SREBF2: variants seen among roughly 807,000 people sequenced by gnomAD.
SREBF2 encodes the protein sterol regulatory element-binding protein 2.
A neutral mutation model predicts 113.1 loss-of-function variants in SREBF2; 55 were observed. The observed-to-expected ratio is 0.49, with a 90% CI of 0.39 to 0.61. SREBF2 has a LOEUF of 0.61. SREBF2 is among the 20% of genes least tolerant of loss of function. SREBF2 has a pLI of 0.00. For synonymous variants in SREBF2, 593 were observed against 605.7 expected (o/e 0.98, Z 0.31); for missense variants, 1,349 against 1,487.4 (o/e 0.91, Z 1.53).
At chr22:41,873,206 T>A (rs982178536) in intron 4 of SREBF2, among the ~76,000 whole-genome samples, 28 of 151,200 alleles carry the variant, frequency 1.9e-4, no homozygotes, top group South Asian at 6.3e-4. Context: ...TCAAAAAAAA[T>A]AAAATAAAAT....
At chr22:41,873,192 C>T (rs971227694) in intron 4 of SREBF2, among the ~76,000 whole-genome samples, 6 of 151,182 alleles carry the variant, frequency 4.0e-5, no homozygotes, top group South Asian at 2.1e-4. Context: ...AGCGAAACTC[C>T]GTCTCAAAAA....
At chr22:41,855,054 G>A (rs2076965519) in intron 1 of SREBF2, among the ~76,000 whole-genome samples, 3 of 149,344 alleles carry the variant, frequency 2.0e-5, no homozygotes, top group African/African-American at 4.9e-5. Flanking sequence ...GTGTAATATA[G>A]CAAAGTTTTT....
At chr22:41,897,579 C>G (rs937396230) in intron 14 of SREBF2, among the ~76,000 whole-genome samples, 6 of 152,178 alleles carry the variant, frequency 3.9e-5, no homozygotes. Context: ...ACTCCTCAGC[C>G]CCTCATCACA....
intron 15 of SREBF2, chr22:41,899,495 G>A (rs2077446161): frequency 1.0e-6 from 1 of 993,452 alleles, no homozygotes; most frequent in Non-Finnish European, 1.2e-6. Flanking sequence ...TAGAGCCAAG[G>A]CTGTAGCATT....
At chr22:41,861,709 G>A (rs1476664355) in intron 1 of SREBF2, among the ~76,000 whole-genome samples, 1 of 152,128 alleles carries the variant, frequency 6.6e-6, no homozygotes, top group Non-Finnish European at 1.5e-5. Context: ...GATCATCTGA[G>A]GTCAGGAGTT....
rs1290844569 is a variant in SREBF2 at position 41,905,558 on chromosome 22, A to G, written c.3324A>G (p.Glu1108=). The G allele has an allele frequency of 7.5e-6, 12 of 1,594,154 alleles. No homozygotes were observed. Among genetic ancestry groups the G allele is most frequent in the Non-Finnish European group, 1.0e-5 (12 of 1,171,216 alleles). ...GCCAGCGGGCAGTGCTGCTGGCCGA[A>G]GCTGCCCGCACCCTGGAGAAGGTGG... is the stretch of plus-strand genomic sequence containing the variant. ...SPGQRAVLLA[E]AARTLEKVGD... Residue 1108 remains glutamate, a synonymous_variant, in exon 19 of 19, where the codon GAA becomes GAG. Transcript: ENST00000361204.
intron 17 of SREBF2, 122 bp downstream of exon 17, chr22:41,903,277 T>TCAGA: frequency 8.2e-7 from 1 of 1,226,284 alleles, no homozygotes; most frequent in Non-Finnish European, 1.2e-6. Flanking sequence ...CCTGGTGACC[T>TCAGA]GTCGAGCACC....
intron 1 of SREBF2, among the ~76,000 whole-genome samples, chr22:41,856,162 T>C (rs547729512): frequency 1.3e-5 from 2 of 152,296 alleles, no homozygotes; most frequent in African/African-American, 4.8e-5. Context: ...GGTCTTGGTC[T>C]GTCACCCAGG....
chr22:41,898,872 G>T, intron 15 of SREBF2, 91 bp downstream of exon 15: 1 of 1,549,976 alleles, frequency 6.5e-7, no homozygotes, highest in South Asian at 1.2e-5. Flanking sequence ...TGGGCGTGTT[G>T]GGGTGAAGGG....
At chr22:41,852,269 T>C (rs961861540) in intron 1 of SREBF2, among the ~76,000 whole-genome samples, 25 of 152,024 alleles carry the variant, frequency 1.6e-4, no homozygotes, top group Admixed American at 2.0e-4. Context: ...TATTTTTCTG[T>C]GTATTGATAT....
intron 4 of SREBF2, among the ~76,000 whole-genome samples, chr22:41,872,384 G>A (rs537245590): frequency 4.7e-4 from 72 of 151,962 alleles, no homozygotes; most frequent in African/African-American, 1.7e-3. Context: ...GGAGGGGAGG[G>A]GCATGCGGGG....
At chr22:41,892,625 G>T (rs1173633108) in intron 11 of SREBF2, among the ~76,000 whole-genome samples, 1 of 142,818 alleles carries the variant, frequency 7.0e-6, no homozygotes, top group Non-Finnish European at 1.5e-5. Context: ...TCCAGCCTGG[G>T]CGACAGAGCG....
chr22:41,902,842 CTG>C (rs1491352334), intron 16 of SREBF2, 126 bp from the exon 17 acceptor site: 4 of 1,048,154 alleles, frequency 3.8e-6, no homozygotes, highest in Non-Finnish European at 5.8e-6. Flanking sequence ...TCACCAGACT[CTG>C]GGGCTCTCCA....
rs1357176810 is a variant in SREBF2, at chr22:41,867,226, A to G, written c.484A>G (p.Thr162Ala). Residue 162 changes from threonine (T) to alanine (A), a missense_variant, in exon 2 of 19, where the codon ACG becomes GCG. Transcript: ENST00000361204. ...GCCAACATTCAGCACCACTCCGCAG[A>G]CGAGGATCATCCAGCAGCCTTTGAT... ...ITPTFSTTPQTRIIQQPLIYQ... is the reference protein window; with the variant it reads ...ITPTFSTTPQARIIQQPLIYQ... 2 of 1,614,240 alleles carry G rather than the reference A, an allele frequency of 1.2e-6. No individual in the cohort carries two copies. The highest frequency in any genetic ancestry group is 1.7e-6 in the Non-Finnish European group (2 of 1,180,046).
rs958526773 is a variant in SREBF2, at chr22:41,833,385, G to A, written c.88+27G>A. On this transcript the variant is annotated intron_variant, in intron 1 of 18. Transcript: ENST00000361204. The surrounding 1 kb of genome is among the most constrained non-coding windows in gnomAD (Gnocchi z 4.1). ...TGAGTGGTGGGTGGGTGGGAGTGCG[G>A]GGGCCGCGCGGGGAGGAAGGGGTTA... is the stretch of plus-strand genomic sequence containing the variant. The A allele has an allele frequency of 4.1e-6, 6 of 1,479,358 alleles. No homozygotes were observed. The Admixed American group carries it at 1.0e-4, about 25-fold the overall frequency. The allele number at this position is 1,479,358 out of a possible 1,614,324, so 91.6% of individuals were successfully genotyped here.
intron 17 of SREBF2, among the ~76,000 whole-genome samples, chr22:41,903,543 A>T (rs2077482051): frequency 6.6e-6 from 1 of 152,208 alleles, no homozygotes; most frequent in Admixed American, 6.5e-5. Flanking sequence ...TCTTTTTCAC[A>T]GTAGCTAGAG....
intron 11 of SREBF2, among the ~76,000 whole-genome samples, chr22:41,887,269 T>G (rs180751471): frequency 6.6e-6 from 1 of 151,914 alleles, no homozygotes. Flanking sequence ...ATACAAATCA[T>G]AAATACACAG....
chr22:41,833,412 G>C lies in SREBF2; in HGVS notation c.88+54G>C, dbSNP rs2076732237. ...GGCCGCGCGGGGAGGAAGGGGTTAC[G>C]GCGGCGCGCCCGGGTGCGCGTGCGC... On this transcript the variant is annotated intron_variant, in intron 1 of 18. Transcript: ENST00000361204. The surrounding 1 kb of genome is among the most constrained non-coding windows in gnomAD (Gnocchi z 4.1). The C allele has an allele frequency of 6.8e-7, 1 of 1,478,816 alleles. No homozygotes were observed. Among genetic ancestry groups the C allele is most frequent in the African/African-American group, 1.4e-5 (1 of 69,124 alleles). The allele number at this position is 1,478,816 out of a possible 1,614,324, so 91.6% of individuals were successfully genotyped here.
chr22:41,864,251 TATATATATATACACACAC>T, intron 1 of SREBF2, among the ~76,000 whole-genome samples: 1 of 94,830 alleles, frequency 1.1e-5, no homozygotes, highest in Non-Finnish European at 2.0e-5. Flanking sequence ...TATATATATA[TATATATATATACACACAC>T]ACACACACAC....
Sources: allele counts gnomAD v4.1 joint callset (sites outside exome capture counted in the v4.1 genomes callset), GRCh38; gene constraint gnomAD v4.1.1; non-coding constraint Gnocchi (gnomAD v3.1); transcripts MANE v1.5; gene names NCBI Gene and HGNC (gene_info 2026-07-23, HGNC 2026-07-21).